The following PLEKHA7 variants were observed in gnomAD, a reference collection of about 807,000 sequenced individuals.
The protein encoded by PLEKHA7 is pleckstrin homology domain-containing family A member 7.
Under a neutral mutation model 170.0 loss-of-function variants are expected in PLEKHA7, and 104 were observed. The observed-to-expected ratio is 0.61, with a 90% confidence interval of 0.52 to 0.72. PLEKHA7 has a LOEUF of 0.72. Among genes scored for constraint, PLEKHA7 ranks in the 30% least tolerant of loss-of-function variants. PLEKHA7 has a pLI of 0.00. For synonymous variants in PLEKHA7, 648 were observed against 660.8 expected (o/e 0.98, Z 0.30); for missense variants, 1,615 against 1,671.7 (o/e 0.97, Z 0.59).
Position 16,813,098 on chromosome 11 carries a change from C to T in PLEKHA7, c.2007+15G>A, listed in dbSNP as rs1849493403. ...GTGAGTATGCAAGGAAGGCAGGAAC[C>T]CTGATGTCACTTACCTTTAGATCCA... On this transcript the variant is annotated intron_variant, in intron 13 of 26. Transcript: ENST00000531066. The T allele has an allele frequency of 6.2e-7, 1 of 1,611,014 alleles. No individual in the cohort carries two copies. The highest frequency in any genetic ancestry group is 1.1e-5 in the South Asian group (1 of 90,972).
rs201698920 is a variant in PLEKHA7 at position 16,803,332 on chromosome 11, G to A, written c.2008-37C>T. 1.7e-4 allele frequency: 264 copies of A among 1,582,270 alleles called. 1 individual carries two copies. The East Asian group carries it at 4.4e-3, about 27-fold the overall frequency. On this transcript the variant is annotated intron_variant, in intron 13 of 26. Coordinates refer to ENST00000531066, the MANE Select transcript of PLEKHA7 (RefSeq NM_001329630.2). ...ACAATTTAAAAGAGATTTAACCATGGTGTTTGAGATCAGAACTCAGGAAAG... is the reference window on the plus strand; with the variant it reads ...ACAATTTAAAAGAGATTTAACCATGATGTTTGAGATCAGAACTCAGGAAAG...
At chr11:16,824,808 G>A (rs1223665031) in intron 10 of PLEKHA7, among the ~76,000 whole-genome samples, 1 of 152,078 alleles carries the variant, frequency 6.6e-6, no homozygotes, top group Non-Finnish European at 1.5e-5. Flanking sequence ...GGAGTATGAG[G>A]ACCTACATTA....
At chr11:16,893,846 T>C (rs887434906) in intron 3 of PLEKHA7, among the ~76,000 whole-genome samples, 1 of 152,206 alleles carries the variant, frequency 6.6e-6, no homozygotes, top group Admixed American at 6.5e-5. Flanking sequence ...ACAGTGTCTT[T>C]GTTTGGAAAA....
intron 26 of PLEKHA7, chr11:16,780,824 G>A (rs749729778): frequency 7.3e-5 from 16 of 219,180 alleles, no homozygotes; most frequent in South Asian, 6.5e-4. Context: ...CGCTTTGCCA[G>A]TGGAAGGAGG....
chr11:16,875,531 C>T (rs1266487700), intron 3 of PLEKHA7, among the ~76,000 whole-genome samples: 2 of 151,830 alleles, frequency 1.3e-5, no homozygotes, highest in Admixed American at 6.6e-5. Flanking sequence ...ACAGTAGCTT[C>T]GACCTCCTGG....
At chr11:16,790,016 G>A (rs1847726251) in intron 21 of PLEKHA7, 138 bp from the exon 22 acceptor site, 3 of 785,606 alleles carry the variant, frequency 3.8e-6, no homozygotes, top group African/African-American at 3.4e-5. Flanking sequence ...TTCCTCCCCA[G>A]GGCATGGAGG....
chr11:16,840,325 C>A (rs1222804981), intron 9 of PLEKHA7, among the ~76,000 whole-genome samples: 2 of 152,084 alleles, frequency 1.3e-5, no homozygotes, highest in Non-Finnish European at 2.9e-5. Flanking sequence ...CTTTGGGAGA[C>A]CAAGGTGGGT....
chr11:17,010,869 G>A (rs1464876088), intron 3 of PLEKHA7, among the ~76,000 whole-genome samples: 5 of 152,124 alleles, frequency 3.3e-5, no homozygotes, highest in African/African-American at 4.8e-5. Context: ...TGTGGGGGGC[G>A]GGGGATGAGG....
intron 3 of PLEKHA7, among the ~76,000 whole-genome samples, chr11:16,995,644 C>T (rs1387633234): frequency 6.6e-6 from 1 of 152,134 alleles, no homozygotes; most frequent in Non-Finnish European, 1.5e-5. Context: ...CAGAGTATAA[C>T]AAATATGATG....
At chr11:16,829,072 C>T (rs1021547964) in intron 9 of PLEKHA7, among the ~76,000 whole-genome samples, 5 of 151,706 alleles carry the variant, frequency 3.3e-5, no homozygotes, top group African/African-American at 1.2e-4. Flanking sequence ...GCAATGATCA[C>T]GGCTCACTGC....
intron 3 of PLEKHA7, among the ~76,000 whole-genome samples, chr11:16,923,079 C>A (rs934370405): frequency 6.6e-6 from 1 of 152,158 alleles, no homozygotes; most frequent in Non-Finnish European, 1.5e-5. Flanking sequence ...AACCTATAAC[C>A]TCTGATGCCC....
intron 3 of PLEKHA7, among the ~76,000 whole-genome samples, chr11:17,009,773 T>C (rs1344857293): frequency 6.6e-6 from 1 of 152,022 alleles, no homozygotes; most frequent in Admixed American, 6.6e-5. Flanking sequence ...GTTGCTAGGA[T>C]TACAGGAGCA....
intron 3 of PLEKHA7, among the ~76,000 whole-genome samples, chr11:16,928,613 C>T (rs1859727082): frequency 1.3e-5 from 2 of 151,878 alleles, no homozygotes; most frequent in Non-Finnish European, 2.9e-5. Context: ...CCACCATGCC[C>T]AGCTAATTTT....
At chr11:16,854,193 C>G (rs751207205) in intron 6 of PLEKHA7, among the ~76,000 whole-genome samples, 1 of 152,304 alleles carries the variant, frequency 6.6e-6, no homozygotes. Flanking sequence ...GTCTCTAGCT[C>G]TGGGAACTCA....
chr11:16,884,636 A>AAAAAGAAAAG (rs138263255), intron 3 of PLEKHA7, among the ~76,000 whole-genome samples: 1 of 148,526 alleles, frequency 6.7e-6, no homozygotes, highest in East Asian at 2.0e-4. Flanking sequence ...CTATGTTTAA[A>AAAAAGAAAAG]AAAAGAAAAG....
Position 16,802,991 on chromosome 11 carries a change from C to G in PLEKHA7, c.2138G>C (p.Arg713Pro). ...ACGTACTTTGTTCTCTTTAAGGGCT[C>G]GTATCTTGTCTTCCAAGTCCTGGAG... ...RVLQDLEDKI[R>P]ALKENKDQLE... The change falls in exon 15 of 27, where the codon CGA (arginine) becomes CCA (proline). Residue 713 changes from arginine (R) to proline (P), a missense_variant. Coordinates refer to ENST00000531066, the MANE Select transcript of PLEKHA7 (RefSeq NM_001329630.2). The G allele has an allele frequency of 6.2e-7, 1 of 1,613,446 alleles. No individual in the cohort carries two copies. The highest frequency in any genetic ancestry group is 1.1e-5 in the South Asian group (1 of 90,682).
chr11:16,949,004 C>A (rs1269391379), intron 3 of PLEKHA7, among the ~76,000 whole-genome samples: 3 of 152,176 alleles, frequency 2.0e-5, no homozygotes, highest in African/African-American at 4.8e-5. Context: ...TCTGCTTCCC[C>A]TTGTGCCTGT....
chr11:16,990,703 C>G (rs981401160), intron 3 of PLEKHA7, among the ~76,000 whole-genome samples: 1 of 152,170 alleles, frequency 6.6e-6, no homozygotes, highest in African/African-American at 2.4e-5. Flanking sequence ...TGGGCATTAC[C>G]AAATACTCGT....
intron 3 of PLEKHA7, among the ~76,000 whole-genome samples, chr11:16,896,272 T>C (rs1856985032): frequency 6.6e-6 from 1 of 152,240 alleles, no homozygotes. Context: ...TTCCCCATCT[T>C]GGTGAAGGTC....
Sources: gnomAD v4.1 joint callset for allele counts (sites outside exome capture counted in the v4.1 genomes callset) on GRCh38, gnomAD v4.1.1 for gene constraint, MANE v1.5 for transcripts, NCBI Gene and HGNC (gene_info 2026-07-23, HGNC 2026-07-21) for gene names.